SLC7A14: variants seen among roughly 807,000 people sequenced by gnomAD.
SLC7A14 encodes the protein solute carrier family 7 member 14.
A neutral mutation model predicts 60.2 loss-of-function variants in SLC7A14; 37 were observed. The ratio of observed to expected loss-of-function variants is 0.61; its 90% CI spans 0.47 to 0.81. The LOEUF is 0.81. SLC7A14 is among the 30% of genes least tolerant of loss of function. The probability of loss-of-function intolerance (pLI) is 0.00; values close to 1 mark genes in which losing one functional copy is unlikely to be tolerated. For missense variants in SLC7A14, 886 were observed against 982.7 expected, an observed-to-expected ratio of 0.90 and a Z score of 1.32; for synonymous variants, 399 against 395.8, an observed-to-expected ratio of 1.01 and a Z score of -0.10.
chr3:170,479,347 T>G (rs1711736529), intron 7 of SLC7A14, among the ~76,000 whole-genome samples: 2 of 152,120 alleles, frequency 1.3e-5, no homozygotes, highest in Non-Finnish European at 2.9e-5. Flanking sequence ...ATACAAATAG[T>G]GACTAAGGAA....
At chr3:170,522,295 C>T (rs1713362000) in intron 2 of SLC7A14, among the ~76,000 whole-genome samples, 3 of 152,208 alleles carry the variant, frequency 2.0e-5, no homozygotes. Flanking sequence ...TAAGTACTTA[C>T]TTGAGAAACC....
intron 4 of SLC7A14, among the ~76,000 whole-genome samples, chr3:170,489,896 T>C (rs1712159224): frequency 6.6e-6 from 1 of 151,468 alleles, no homozygotes; most frequent in Admixed American, 6.6e-5. Flanking sequence ...ATAAAAACAA[T>C]TGAACTCATG....
At chr3:170,515,652 G>A (rs182140285) in intron 2 of SLC7A14, among the ~76,000 whole-genome samples, 48 of 152,112 alleles carry the variant, frequency 3.2e-4, no homozygotes, top group Middle Eastern at 3.4e-3. Flanking sequence ...GAGACAATAG[G>A]CCCTTCTTTA....
At chr3:170,520,535 A>G (rs1353022715) in intron 2 of SLC7A14, among the ~76,000 whole-genome samples, 1 of 152,196 alleles carries the variant, frequency 6.6e-6, no homozygotes, top group African/African-American at 2.4e-5. Context: ...TAGGAGCCCA[A>G]TACATTTTTA....
chr3:170,564,270 G>A (rs1369165089), intron 1 of SLC7A14, among the ~76,000 whole-genome samples: 1 of 152,292 alleles, frequency 6.6e-6, no homozygotes, highest in South Asian at 2.1e-4. Context: ...CAGAGCCTCC[G>A]AAAAGGCACT....
At chr3:170,530,119 A>G (rs1713629336) in intron 1 of SLC7A14, among the ~76,000 whole-genome samples, 1 of 152,228 alleles carries the variant, frequency 6.6e-6, no homozygotes, top group South Asian at 2.1e-4. Flanking sequence ...CTTTTGCACC[A>G]ACACAATACT....
At chr3:170,582,092 G>A (rs190245480) in intron 1 of SLC7A14, among the ~76,000 whole-genome samples, 68 of 152,218 alleles carry the variant, frequency 4.5e-4, no homozygotes, top group African/African-American at 1.5e-3. Context: ...AAACTCCAGA[G>A]GCTACCAGCT....
At chr3:170,482,281 A>C (rs1711857295) in intron 6 of SLC7A14, among the ~76,000 whole-genome samples, 1 of 152,284 alleles carries the variant, frequency 6.6e-6, no homozygotes, top group East Asian at 1.9e-4. Context: ...AGTTTCTTTG[A>C]CAGCAGAAAA....
chr3:170,585,884 C>T lies in SLC7A14; in HGVS notation c.-153+27G>A, dbSNP rs115844215. On this transcript the variant is annotated intron_variant, in intron 1 of 7. Coordinates refer to ENST00000231706, the MANE Select transcript of SLC7A14 (RefSeq NM_020949.3). This position sits in a 1 kb window ranked among gnomAD's most constrained non-coding sequence, Gnocchi z 5.1. ...CGCGGGGGGCGCGGAGGGGGACAAA[C>T]GGCAGCGAAGGGGGCCGTTCACTTA... 0.038 allele frequency: 5,764 copies of T among 152,566 alleles called. 168 individuals carry two copies. Among genetic ancestry groups the T allele is most frequent in the Admixed American group, 0.077 (1,180 of 15,296 alleles). The allele number at this position is 152,566 out of a possible 1,614,324, so 9.5% of individuals were successfully genotyped here. A position where few individuals can be genotyped will look rare whatever the true frequency, so the allele number is the denominator to read the frequency against.
intron 1 of SLC7A14, chr3:170,570,290 A>T (rs1283219250): frequency 6.6e-6 from 1 of 152,458 alleles, no homozygotes; most frequent in Non-Finnish European, 1.5e-5. Flanking sequence ...TACAAAAAAA[A>T]TACAAAAATT....
At chr3:170,559,748 A>G (rs1225436336) in intron 1 of SLC7A14, among the ~76,000 whole-genome samples, 1 of 152,078 alleles carries the variant, frequency 6.6e-6, no homozygotes, top group African/African-American at 2.4e-5. Flanking sequence ...CCTCTTTTTT[A>G]TCTTTCACTT....
At chr3:170,579,184 TGA>T (rs1434997005) in intron 1 of SLC7A14, among the ~76,000 whole-genome samples, 1 of 152,230 alleles carries the variant, frequency 6.6e-6, no homozygotes, top group Non-Finnish European at 1.5e-5. Context: ...TATAATTGCC[TGA>T]GAGAGAGAAG....
chr3:170,488,635 G>T (rs1712112309), intron 4 of SLC7A14, among the ~76,000 whole-genome samples: 1 of 152,120 alleles, frequency 6.6e-6, no homozygotes, highest in African/African-American at 2.4e-5. Context: ...GAGAAAACTG[G>T]ATATCCATAG....
At chr3:170,497,581 C>CT (rs1055758044) in intron 4 of SLC7A14, among the ~76,000 whole-genome samples, 5 of 152,232 alleles carry the variant, frequency 3.3e-5, no homozygotes, top group African/African-American at 1.2e-4. Context: ...TCTAGGCAGA[C>CT]TTGCCTCTCT....
chr3:170,518,960 A>G (rs897548652), intron 2 of SLC7A14, among the ~76,000 whole-genome samples: 2 of 152,116 alleles, frequency 1.3e-5, no homozygotes, highest in Non-Finnish European at 2.9e-5. Flanking sequence ...ACTGTACTAT[A>G]TCTCCCATCT....
chr3:170,583,444 G>T (rs1038046336), intron 1 of SLC7A14, among the ~76,000 whole-genome samples: 1 of 152,196 alleles, frequency 6.6e-6, no homozygotes, highest in African/African-American at 2.4e-5. Flanking sequence ...TGATGCTGAC[G>T]TTTAGTCAAA....
intron 1 of SLC7A14, among the ~76,000 whole-genome samples, chr3:170,554,537 G>C (rs1473377126): frequency 1.3e-5 from 2 of 152,150 alleles, no homozygotes; most frequent in South Asian, 4.1e-4. Context: ...CTAGGCCTTT[G>C]TGACACAGTC....
intron 1 of SLC7A14, among the ~76,000 whole-genome samples, chr3:170,559,568 G>A (rs541827599): frequency 2.0e-5 from 3 of 152,082 alleles, no homozygotes; most frequent in South Asian, 4.2e-4. Context: ...TTTCACCCTC[G>A]AACACTCATT....
At chr3:170,470,631 C>G (rs923723883) in intron 7 of SLC7A14, among the ~76,000 whole-genome samples, 6 of 151,670 alleles carry the variant, frequency 4.0e-5, no homozygotes, top group East Asian at 1.9e-4. Flanking sequence ...TCTTGCTGGC[C>G]CTTGAGTCAA....
Sources: allele counts gnomAD v4.1 joint callset (sites outside exome capture counted in the v4.1 genomes callset), GRCh38; gene constraint gnomAD v4.1.1; non-coding constraint Gnocchi (gnomAD v3.1); transcripts MANE v1.5; gene names NCBI Gene and HGNC (gene_info 2026-07-23, HGNC 2026-07-21).